Variants in ZNF398 observed in about 807,000 individuals in gnomAD.
ZNF398 encodes the protein zinc finger DNA binding protein ZER6.
Under a neutral mutation model 41.9 loss-of-function variants are expected in ZNF398, and 18 were observed. That is an observed-to-expected ratio of 0.43 (90% CI 0.30 to 0.64). The LOEUF (loss-of-function observed/expected upper bound fraction) is 0.64. Ranked by LOEUF, ZNF398 falls within the 30% of genes least tolerant of loss-of-function variation. The pLI is 0.14. For synonymous variants in ZNF398, 260 were observed against 308.8 expected, an observed-to-expected ratio of 0.84 and a Z score of 1.66; for missense variants, 669 against 822.8, an observed-to-expected ratio of 0.81 and a Z score of 2.29.
chr7:149,170,833 T>A (rs900070186), intron 4 of ZNF398, among the ~76,000 whole-genome samples: 1 of 152,026 alleles, frequency 6.6e-6, no homozygotes, highest in Admixed American at 6.6e-5. Flanking sequence ...TGAGTGAATG[T>A]GAAGGCCTAG....
chr7:149,145,036 T>C (rs777426971), upstream of ZNF398, among the ~76,000 whole-genome samples: 15 of 152,182 alleles, frequency 9.9e-5, no homozygotes, highest in Non-Finnish European at 1.8e-4. Flanking sequence ...CTGACAAATA[T>C]GTATATTCAG....
intron 2 of ZNF398, among the ~76,000 whole-genome samples, 186 bp downstream of exon 2, chr7:149,154,526 C>A (rs953997214): frequency 6.6e-6 from 1 of 151,994 alleles, no homozygotes; most frequent in Non-Finnish European, 1.5e-5. Context: ...AATTTAGTAC[C>A]CATTTAGAGT....
rs368138483 is a variant in ZNF398 at position 149,179,066 on chromosome 7, C to A, written c.1194C>A (p.Pro398=). ...TSQDHASETP[P]TCPHCARTFT... ...AGGACCATGCCAGCGAGACACCCCC[C>A]ACCTGCCCACACTGTGCCAGGACTT... The change falls in exon 6 of 6, where the codon CCC becomes CCA. Residue 398 remains proline (P), a synonymous_variant. Coordinates refer to ENST00000475153, the MANE Select transcript of ZNF398 (RefSeq NM_170686.3). This position sits in a 1 kb window ranked among gnomAD's most constrained non-coding sequence, Gnocchi z 6.1. 4.3e-6 allele frequency: 7 copies of A among 1,613,976 alleles called. No homozygotes were observed. The highest frequency in any genetic ancestry group is 3.3e-5 in the Admixed American group (2 of 59,990).
At chr7:149,154,447 A>G in intron 2 of ZNF398, 107 bp downstream of exon 2, 3 of 1,259,498 alleles carry the variant, frequency 2.4e-6, no homozygotes, top group Non-Finnish European at 3.2e-6. Flanking sequence ...AAAGTTTCTT[A>G]AAATATCTCA....
intron 4 of ZNF398, among the ~76,000 whole-genome samples, chr7:149,172,996 A>G (rs561104240): frequency 2.0e-5 from 3 of 152,108 alleles, no homozygotes; most frequent in East Asian, 3.9e-4. Context: ...TCAGAGTCAT[A>G]ATCTTTTTGC....
At chr7:149,160,275 CA>C (rs1375759678) in intron 2 of ZNF398, among the ~76,000 whole-genome samples, 9 of 151,980 alleles carry the variant, frequency 5.9e-5, no homozygotes, top group African/African-American at 1.9e-4. Context: ...ACTAAAAATA[CA>C]AAAAAGTAGC....
At chr7:149,151,236 G>T in intron 1 of ZNF398, 1 of 1,235,702 alleles carries the variant, frequency 8.1e-7, no homozygotes, top group Non-Finnish European at 1.0e-6. Flanking sequence ...TACAGGAATG[G>T]AGAAAGAATG....
chr7:149,148,860 TGTC>T (rs1827032018), intron 1 of ZNF398, among the ~76,000 whole-genome samples: 1 of 132,906 alleles, frequency 7.5e-6, no homozygotes, highest in South Asian at 2.7e-4. Context: ...CCTTTTTCTT[TGTC>T]TTTTTTTTTT....
intron 2 of ZNF398, among the ~76,000 whole-genome samples, chr7:149,165,818 G>A (rs1795215848): frequency 6.6e-6 from 1 of 152,134 alleles, no homozygotes; most frequent in African/African-American, 2.4e-5. Flanking sequence ...TAGAGAAAAG[G>A]CATTTTAAAA....
chr7:149,132,462 G>A (rs992331982), intron 2 of ZNF398, among the ~76,000 whole-genome samples: 2 of 152,032 alleles, frequency 1.3e-5, no homozygotes, highest in African/African-American at 4.8e-5. Context: ...CCAAAGCGCT[G>A]GGAATACAGG....
At chr7:149,149,023 C>T (rs778092143) in intron 1 of ZNF398, among the ~76,000 whole-genome samples, 4 of 151,562 alleles carry the variant, frequency 2.6e-5, no homozygotes, top group Non-Finnish European at 5.9e-5. Flanking sequence ...AGTAAAAAGC[C>T]AGGCGCTGTG....
At chr7:149,168,297 C>T (rs182709393) in intron 4 of ZNF398, among the ~76,000 whole-genome samples, 11 of 151,860 alleles carry the variant, frequency 7.2e-5, no homozygotes, top group Middle Eastern at 6.8e-3. Flanking sequence ...AGACTGGTCT[C>T]GAACTCCTGA....
chr7:149,143,831 C>A (rs1414638803), upstream of ZNF398, among the ~76,000 whole-genome samples: 1 of 151,950 alleles, frequency 6.6e-6, no homozygotes, highest in Non-Finnish European at 1.5e-5. Context: ...AAACAAACAA[C>A]CCCCCAAAAA....
chr7:149,136,029 G>T (rs1826704981), intron 2 of ZNF398, among the ~76,000 whole-genome samples: 1 of 151,920 alleles, frequency 6.6e-6, no homozygotes, highest in South Asian at 2.1e-4. Context: ...TGCTTTTTGT[G>T]GATTGGGGTT....
intron 1 of ZNF398, among the ~76,000 whole-genome samples, chr7:149,127,606 C>T (rs1405393495): frequency 6.7e-6 from 1 of 150,196 alleles, no homozygotes; most frequent in Non-Finnish European, 1.5e-5. Context: ...AGTCCCAGCT[C>T]CTAGGGAGGC....
rs1468407740 is a variant in ZNF398, at chr7:149,147,813, C to T, written c.24+47C>T. On this transcript the variant is annotated intron_variant, in intron 1 of 5. Coordinates refer to ENST00000475153, the MANE Select transcript of ZNF398 (RefSeq NM_170686.3). This position sits in a 1 kb window ranked among gnomAD's most constrained non-coding sequence, Gnocchi z 5.6. ...TGTTGTGAGCCCCCGAGACCCAGAC[C>T]CCGAGGGAGGAAGGCGGGCGGGCAG... is the stretch of plus-strand genomic sequence containing the variant. 11 of 1,349,238 alleles carry T rather than the reference C, an allele frequency of 8.2e-6. No individual in the cohort carries two copies. The highest frequency in any genetic ancestry group is 9.5e-6 in the Non-Finnish European group (10 of 1,049,292). The allele number at this position is 1,349,238 out of a possible 1,614,324, so 83.6% of individuals were successfully genotyped here.
rs1161223787 is a variant in ZNF398 at position 149,151,817 on chromosome 7, C to T, written c.25-2128C>T. 2.8e-5 allele frequency among the ~76,000 whole-genome samples: 4 copies of T among 145,188 alleles called. 1 individual carries two copies. The highest frequency in any genetic ancestry group is 4.3e-4 in the South Asian group (2 of 4,650). On this transcript the variant is annotated intron_variant, in intron 1 of 5. Transcript: ENST00000475153. ...TTTTTTTTTTTTTGAGACTGAATCT[C>T]GTTCTGTCGCGTAGGCTGGAGTACA...
rs140083111 is a variant in ZNF398, at chr7:149,179,209, G to A, written c.1337G>A (p.Arg446Gln). Residue 446 changes from arginine (R) to glutamine (Q), a missense_variant, in exon 6 of 6, where the codon CGG (arginine) becomes CAG (glutamine). By Grantham distance (43) the Arg-to-Gln change is conservative (BLOSUM62 1). Coordinates refer to ENST00000475153, the MANE Select transcript of ZNF398 (RefSeq NM_170686.3). This position sits in a 1 kb window ranked among gnomAD's most constrained non-coding sequence, Gnocchi z 6.1. ...FADQARLTSH[R>Q]RAHASERPFR... Reference sequence around the variant, plus strand: ...GACCAGGCTCGACTCACCAGCCACCGGAGAGCTCATGCAAGCGAAAGGCCC... The same window carrying A: ...GACCAGGCTCGACTCACCAGCCACCAGAGAGCTCATGCAAGCGAAAGGCCC... 1.3e-5 allele frequency: 21 copies of A among 1,613,204 alleles called. No homozygotes were observed. In the East Asian group the frequency reaches 3.1e-4, roughly 24 times the overall value.
rs1412396466 is a variant in ZNF398, at chr7:149,180,371, TAACTCA to T, written c.*572_*577del. On this transcript the variant is annotated 3_prime_UTR_variant, in exon 6 of 6. Transcript: ENST00000475153. ...GTGGCTGTCTTTCCCTGAAACATGG[TAACTCA>T]AGACTGCCTGCCTAGGTTTCTTAGA... 1.3e-5 allele frequency: 2 copies of T among 152,266 alleles called. No homozygotes were observed. The highest frequency in any genetic ancestry group is 2.9e-5 in the Non-Finnish European group (2 of 68,048). 9.4% of individuals were successfully genotyped at this position (152,266 alleles called of 1,614,324 possible).
Sources: gnomAD v4.1 joint callset for allele counts (sites outside exome capture counted in the v4.1 genomes callset) on GRCh38, gnomAD v4.1.1 for gene constraint, Gnocchi (gnomAD v3.1) non-coding constraint, MANE v1.5 for transcripts, NCBI Gene and HGNC (gene_info 2026-07-23, HGNC 2026-07-21) for gene names.